SEMA6D: variants seen among roughly 807,000 people sequenced by gnomAD.
The protein encoded by SEMA6D is semaphorin 6D, also known as semaphorin-6D.
Under a neutral mutation model 106.6 loss-of-function variants are expected in SEMA6D, and 35 were observed. The observed-to-expected ratio is 0.33, with a 90% CI of 0.25 to 0.44. The LOEUF (loss-of-function observed/expected upper bound fraction) is 0.44, where lower values mean the gene tolerates loss of function less well. Ranked by LOEUF, SEMA6D falls within the 20% of genes least tolerant of loss-of-function variation. SEMA6D has a pLI of 1.00. For synonymous variants in SEMA6D, 499 were observed against 487.7 expected, an observed-to-expected ratio of 1.02 and a Z score of -0.31; for missense variants, 1,185 against 1,345.9, an observed-to-expected ratio of 0.88 and a Z score of 1.87.
At chr15:47,505,260 G>C (rs1367198658) in intron 3 of SEMA6D, among the ~76,000 whole-genome samples, 1 of 152,300 alleles carries the variant, frequency 6.6e-6, no homozygotes, top group Admixed American at 6.5e-5. Flanking sequence ...CCAGCAGTAA[G>C]CTGTATGGCC....
rs183389783 is a variant in SEMA6D, at chr15:47,513,287, A to G, written c.-87+42742A>G. Among the ~76,000 whole-genome samples the G allele has an allele frequency of 5.5e-3, 838 of 152,284 alleles. 6 individuals are homozygous for G. The highest frequency in any genetic ancestry group is 0.015 in the Admixed American group (222 of 15,286). On this transcript the variant is annotated intron_variant, in intron 3 of 19. Coordinates refer to the SEMA6D transcript ENST00000558014. ...ATCTATAAATTATATTATAATATTA[A>G]TATTTATGCTACTAGTAGCCCACTT... is the stretch of plus-strand genomic sequence containing the variant.
chr15:47,247,034 C>A (rs962846814), intron 1 of SEMA6D, among the ~76,000 whole-genome samples: 14 of 152,264 alleles, frequency 9.2e-5, no homozygotes, highest in East Asian at 1.9e-4. Context: ...TATTGACTTT[C>A]ATATTTATTC....
intron 1 of SEMA6D, among the ~76,000 whole-genome samples, chr15:47,278,933 G>A (rs1339765016): frequency 1.4e-5 from 2 of 145,958 alleles, no homozygotes; most frequent in African/African-American, 5.2e-5. Context: ...TAGATATGCG[G>A]CGTTATTTCT....
intron 3 of SEMA6D, among the ~76,000 whole-genome samples, chr15:47,514,122 G>T (rs1359970500): frequency 6.6e-6 from 1 of 152,166 alleles, no homozygotes; most frequent in African/African-American, 2.4e-5. Context: ...TGGGAGACTT[G>T]GAGGAGAACC....
At chr15:47,518,456 T>A (rs1052050437) in intron 3 of SEMA6D, among the ~76,000 whole-genome samples, 5 of 152,196 alleles carry the variant, frequency 3.3e-5, no homozygotes, top group Non-Finnish European at 7.3e-5. Flanking sequence ...TTAGGTGATT[T>A]TGTCTTTGTG....
At chr15:47,682,605 C>G (rs2078381448) in intron 4 of SEMA6D, among the ~76,000 whole-genome samples, 1 of 152,216 alleles carries the variant, frequency 6.6e-6, no homozygotes, top group African/African-American at 2.4e-5. Context: ...ATTTACAGGG[C>G]TTGGTTTACC....
intron 3 of SEMA6D, among the ~76,000 whole-genome samples, chr15:47,506,510 C>T (rs1232208940): frequency 6.6e-6 from 1 of 151,670 alleles, no homozygotes; most frequent in Non-Finnish European, 1.5e-5. Flanking sequence ...GGGGAAAATC[C>T]AAGCCTGAAT....
At chr15:47,256,736 A>G (rs916033436) in intron 1 of SEMA6D, among the ~76,000 whole-genome samples, 39 of 151,992 alleles carry the variant, frequency 2.6e-4, no homozygotes, top group Non-Finnish European at 1.6e-4. Context: ...GTGCACGCCT[A>G]TAATCCCAGC....
intron 1 of SEMA6D, among the ~76,000 whole-genome samples, chr15:47,725,490 C>A (rs2079686382): frequency 6.6e-6 from 1 of 152,134 alleles, no homozygotes; most frequent in Non-Finnish European, 1.5e-5. Flanking sequence ...CTTTCAGGGC[C>A]TGAGTCTTCC....
At chr15:47,401,563 A>G (rs2040401542) in intron 1 of SEMA6D, among the ~76,000 whole-genome samples, 1 of 152,124 alleles carries the variant, frequency 6.6e-6, no homozygotes. Context: ...CTGCTCACCC[A>G]ATACCCATGT....
intron 4 of SEMA6D, among the ~76,000 whole-genome samples, chr15:47,658,798 A>G (rs976397167): frequency 4.6e-5 from 7 of 152,132 alleles, no homozygotes; most frequent in African/African-American, 1.4e-4. Flanking sequence ...TTAACAAGGC[A>G]TAGGAGACTG....
At chr15:47,662,699 A>G (rs955449847) in intron 4 of SEMA6D, among the ~76,000 whole-genome samples, 1 of 152,202 alleles carries the variant, frequency 6.6e-6, no homozygotes, top group Non-Finnish European at 1.5e-5. Context: ...GTTCAACTCA[A>G]TGCATATATT....
intron 3 of SEMA6D, among the ~76,000 whole-genome samples, chr15:47,511,313 C>T (rs2141783218): frequency 6.6e-6 from 1 of 152,302 alleles, no homozygotes; most frequent in East Asian, 1.9e-4. Context: ...GCAGAAAAAG[C>T]TTCAACTTTC....
intron 3 of SEMA6D, among the ~76,000 whole-genome samples, chr15:47,499,360 A>G (rs1350115465): frequency 1.3e-5 from 2 of 152,076 alleles, no homozygotes; most frequent in Non-Finnish European, 2.9e-5. Flanking sequence ...TCTCTGCATA[A>G]CTTCCATGGC....
chr15:47,700,166 T>C (rs914366442), intron 4 of SEMA6D, among the ~76,000 whole-genome samples: 1 of 152,214 alleles, frequency 6.6e-6, no homozygotes, highest in Non-Finnish European at 1.5e-5. Context: ...TCAATGTTCA[T>C]GGATAGGAAG....
chr15:47,258,431 G>T (rs2033914340), intron 1 of SEMA6D, among the ~76,000 whole-genome samples: 1 of 152,158 alleles, frequency 6.6e-6, no homozygotes, highest in African/African-American at 2.4e-5. Flanking sequence ...AGAAGATAAA[G>T]ATAATACTTG....
At chr15:47,342,406 TA>T (rs2037853316) in intron 1 of SEMA6D, among the ~76,000 whole-genome samples, 1 of 152,246 alleles carries the variant, frequency 6.6e-6, no homozygotes, top group Admixed American at 6.5e-5. Flanking sequence ...TAATGGGCAA[TA>T]ACATCTTGTT....
chr15:47,623,091 A>AG (rs1240597176), intron 4 of SEMA6D, among the ~76,000 whole-genome samples: 3 of 152,186 alleles, frequency 2.0e-5, no homozygotes, highest in Non-Finnish European at 4.4e-5. Flanking sequence ...CCTGTCTTCA[A>AG]GTCAAAATAG....
In SEMA6D at chr15:47,768,569, T is replaced by G; in HGVS notation, c.1766-12T>G. 1 of 1,588,118 alleles carries G rather than the reference T, an allele frequency of 6.3e-7. No homozygotes were observed. The highest frequency in any genetic ancestry group is 8.6e-7 in the Non-Finnish European group (1 of 1,164,964). ...ACTATCCATATTAATAAAAATCTGT[T>G]TGCCACCACAGACATGGAGGTATCT... is the stretch of plus-strand genomic sequence containing the variant. On this transcript the variant is annotated splice_polypyrimidine_tract_variant and intron_variant, in intron 17 of 18. Transcript: ENST00000536845.
Sources: gnomAD v4.1 joint callset for allele counts (sites outside exome capture counted in the v4.1 genomes callset) on GRCh38, gnomAD v4.1.1 for gene constraint, MANE v1.5 for transcripts, NCBI Gene and HGNC (gene_info 2026-07-23, HGNC 2026-07-21) for gene names.